Variants in CCDC171 observed in about 807,000 individuals in gnomAD.
The protein encoded by CCDC171 is coiled-coil domain containing 171.
A neutral mutation model predicts 168.2 loss-of-function variants in CCDC171; 177 were observed. The ratio of observed to expected loss-of-function variants is 1.05; its 90% confidence interval spans 0.93 to 1.19. The LOEUF is 1.19. Ranked by LOEUF, CCDC171 falls within the 50% of genes most tolerant of loss-of-function variation. The pLI, the probability that CCDC171 is intolerant of heterozygous loss-of-function variation, is 0.00. For missense variants in CCDC171, 1,991 were observed against 1,539.0 expected, an observed-to-expected ratio of 1.29 and a Z score of -4.91; for synonymous variants, 687 against 540.8, an observed-to-expected ratio of 1.27 and a Z score of -3.75.
At chr9:15,916,464 G>A (rs1459076002) in intron 24 of CCDC171, among the ~76,000 whole-genome samples, 20 of 151,918 alleles carry the variant, frequency 1.3e-4, no homozygotes, top group Non-Finnish European at 2.9e-4. Flanking sequence ...TAAAGTCGAA[G>A]TGATAGAGTT....
At chr9:15,799,425 T>C (rs1341735) in intron 21 of CCDC171, among the ~76,000 whole-genome samples, 71,446 of 151,170 alleles carry the variant, frequency 0.47, 17,047 homozygotes, top group South Asian at 0.54. Context: ...TGTCTTTTTT[T>C]CCCCTCAGGT....
At chr9:15,974,629 A>G (rs988193343), downstream of CCDC171, among the ~76,000 whole-genome samples, 1 of 152,200 alleles carries the variant, frequency 6.6e-6, no homozygotes, top group African/African-American at 2.4e-5. Context: ...GACATTTTTA[A>G]TACATGTATT....
chr9:15,998,866 C>G (rs1489509339), intron 3 of CCDC171, among the ~76,000 whole-genome samples: 1 of 152,192 alleles, frequency 6.6e-6, no homozygotes, highest in East Asian at 1.9e-4. Context: ...CAGCAAAACT[C>G]TTCCTCTATC....
chr9:15,958,161 C>G (rs529146189), intron 25 of CCDC171, among the ~76,000 whole-genome samples: 30 of 152,082 alleles, frequency 2.0e-4, no homozygotes, highest in African/African-American at 6.3e-4. Flanking sequence ...CCTCAACAGG[C>G]AGGTGTATAG....
intron 3 of CCDC171, among the ~76,000 whole-genome samples, chr9:15,981,177 AC>A (rs1831784611): frequency 6.6e-6 from 1 of 152,120 alleles, no homozygotes; most frequent in African/African-American, 2.4e-5. Flanking sequence ...CCATATCAAA[AC>A]CCTAACCCCC....
At chr9:15,783,162 A>T in intron 20 of CCDC171, among the ~76,000 whole-genome samples, 1 of 152,196 alleles carries the variant, frequency 6.6e-6, no homozygotes, top group East Asian at 1.9e-4. Flanking sequence ...CTGAGTGCTT[A>T]TGTATTATGA....
At chr9:16,096,611 G>A in the CCDC171 span, among the ~76,000 whole-genome samples, 3 of 152,306 alleles carry the variant, frequency 2.0e-5, no homozygotes, top group South Asian at 6.2e-4. Context: ...ATATGGAAGG[G>A]AGGGAGAAGA....
intron 25 of CCDC171, among the ~76,000 whole-genome samples, chr9:15,949,662 A>T (rs201238037): frequency 5.9e-5 from 9 of 152,282 alleles, no homozygotes; most frequent in East Asian, 1.9e-4. Context: ...TTTTGTATCC[A>T]GAGACTTTGC....
At chr9:15,865,865 T>C (rs935785463) in intron 23 of CCDC171, among the ~76,000 whole-genome samples, 1 of 151,782 alleles carries the variant, frequency 6.6e-6, no homozygotes, top group Non-Finnish European at 1.5e-5. Context: ...TGTGTGTGTG[T>C]GTGTGTGTGT....
intron 6 of CCDC171, among the ~76,000 whole-genome samples, chr9:16,023,700 C>T (rs567320496): frequency 3.9e-4 from 60 of 152,194 alleles, no homozygotes; most frequent in African/African-American, 1.4e-3. Context: ...ATTGCTTATT[C>T]AACTTTTTTT....
At chr9:15,933,797 A>G (rs1438273087) in intron 25 of CCDC171, among the ~76,000 whole-genome samples, 2 of 152,004 alleles carry the variant, frequency 1.3e-5, no homozygotes, top group Non-Finnish European at 2.9e-5. Flanking sequence ...CCTACATAAG[A>G]GATCTAAAAC....
rs1194295711 is a variant in CCDC171, at chr9:15,727,931, A to G, written c.1755A>G (p.Lys585=). The G allele has an allele frequency of 2.5e-6, 4 of 1,613,468 alleles. No homozygotes were observed. The highest frequency in any genetic ancestry group is 3.4e-6 in the Non-Finnish European group (4 of 1,179,638). The change falls in exon 15 of 26, where the codon AAA becomes AAG. Residue 585 remains lysine, a synonymous_variant. Transcript: ENST00000380701. ...TGGTAGCAGGCTGTGTGCTCATAAA[A>G]CAACCAGAAGGCATGCTGGATAAAT... ...QHLVAGCVLI[K]QPEGMLDKFS...
At chr9:15,558,249 C>T (rs1479342271) in intron 1 of CCDC171, among the ~76,000 whole-genome samples, 1 of 152,122 alleles carries the variant, frequency 6.6e-6, no homozygotes, top group African/African-American at 2.4e-5. Context: ...ATGCTGGCCT[C>T]ATAAAATGAA....
At chr9:15,640,093 G>A (rs754500007) in intron 7 of CCDC171, among the ~76,000 whole-genome samples, 6 of 152,110 alleles carry the variant, frequency 3.9e-5, no homozygotes, top group Non-Finnish European at 5.9e-5. Flanking sequence ...AAGTATCAAT[G>A]AGATCATCAT....
At chr9:16,044,415 T>C (rs1433582382) in intron 1 of CCDC171, among the ~76,000 whole-genome samples, 1 of 152,122 alleles carries the variant, frequency 6.6e-6, no homozygotes, top group East Asian at 1.9e-4. Flanking sequence ...TTTACATCCA[T>C]TGCTCATATA....
At chr9:15,992,196 A>G (rs1283512130) in intron 3 of CCDC171, among the ~76,000 whole-genome samples, 1 of 152,194 alleles carries the variant, frequency 6.6e-6, no homozygotes, top group Non-Finnish European at 1.5e-5. Flanking sequence ...ATACTGGCAA[A>G]CTGAATCCAG....
chr9:15,867,548 G>C (rs752338346), intron 23 of CCDC171, among the ~76,000 whole-genome samples: 39 of 151,956 alleles, frequency 2.6e-4, no homozygotes, highest in Non-Finnish European at 5.3e-4. Context: ...AACACAGCTG[G>C]CTTGCTGATG....
intron 1 of CCDC171, among the ~76,000 whole-genome samples, chr9:15,559,559 G>A (rs1256995696): frequency 6.6e-6 from 1 of 151,928 alleles, no homozygotes; most frequent in Non-Finnish European, 1.5e-5. Context: ...TGCAACCCTG[G>A]CTTTTTTTTG....
intron 23 of CCDC171, among the ~76,000 whole-genome samples, chr9:15,851,977 A>G (rs1351179602): frequency 1.3e-5 from 2 of 151,862 alleles, no homozygotes; most frequent in Non-Finnish European, 2.9e-5. Context: ...TTATGCATTC[A>G]TCAGCTGATA....
Sources: gnomAD v4.1 joint callset for allele counts (sites outside exome capture counted in the v4.1 genomes callset) on GRCh38, gnomAD v4.1.1 for gene constraint, MANE v1.5 for transcripts, NCBI Gene and HGNC (gene_info 2026-07-23, HGNC 2026-07-21) for gene names.